The following RCOR1 variants were observed in gnomAD, a reference collection of about 807,000 sequenced individuals.
The protein encoded by RCOR1 is REST corepressor.
A neutral mutation model predicts 64.0 loss-of-function variants in RCOR1; 12 were observed. The ratio of observed to expected loss-of-function variants is 0.19; its 90% confidence interval spans 0.12 to 0.30. The LOEUF (loss-of-function observed/expected upper bound fraction) is 0.30, where lower values mean the gene tolerates loss of function less well. Among genes scored for constraint, RCOR1 ranks in the 10% least tolerant of loss-of-function variants. The pLI, the probability that RCOR1 is intolerant of heterozygous loss-of-function variation, is 1.00. For synonymous variants in RCOR1, 279 were observed against 227.2 expected (o/e 1.23, Z -2.05); for missense variants, 502 against 621.2 (o/e 0.81, Z 2.04).
intron 2 of RCOR1, among the ~76,000 whole-genome samples, chr14:102,598,476 C>T (rs1468821876): frequency 7.8e-6 from 1 of 128,020 alleles, no homozygotes; most frequent in Non-Finnish European, 1.6e-5. Context: ...GAGACGGTGT[C>T]TCGCTCTGTT....
chr14:102,712,877 T>C (rs1027978939), intron 7 of RCOR1, among the ~76,000 whole-genome samples: 4 of 151,800 alleles, frequency 2.6e-5, no homozygotes, highest in Non-Finnish European at 5.9e-5. Context: ...GAGAAAACAC[T>C]TGATTTCATA....
intron 2 of RCOR1, among the ~76,000 whole-genome samples, chr14:102,671,551 A>G (rs1472824294): frequency 6.6e-6 from 1 of 152,074 alleles, no homozygotes; most frequent in African/African-American, 2.4e-5. Context: ...GCTTACCACC[A>G]TATCTGGCTA....
chr14:102,641,067 C>T (rs1364501719), intron 2 of RCOR1, among the ~76,000 whole-genome samples: 1 of 151,856 alleles, frequency 6.6e-6, no homozygotes, highest in African/African-American at 2.4e-5. Context: ...TCCTGGCCAA[C>T]ATGTTGAAAC....
chr14:102,674,300 T>C (rs1241851863), intron 2 of RCOR1, among the ~76,000 whole-genome samples: 2 of 152,206 alleles, frequency 1.3e-5, no homozygotes, highest in Non-Finnish European at 2.9e-5. Context: ...CCTAGATTAA[T>C]GTTTGATTAA....
At chr14:102,605,641 A>G (rs1399631132) in intron 2 of RCOR1, among the ~76,000 whole-genome samples, 1 of 152,234 alleles carries the variant, frequency 6.6e-6, no homozygotes. Context: ...TGGTAATGAC[A>G]ATAACTGTAT....
rs1334439717 is a variant in RCOR1, at chr14:102,698,664, CTCATGA to C, written c.446-2613_446-2608del. Among the ~76,000 whole-genome samples, 4 of 152,278 alleles carry C rather than the reference CTCATGA, an allele frequency of 2.6e-5. No homozygotes were observed. In the East Asian group the frequency reaches 7.7e-4, roughly 29 times the overall value. ...TGTCCTTACATATTCCTGAGTGCAT[CTCATGA>C]CCTGGTTTTTAATCAGCTGGCCTGC... On this transcript the variant is annotated intron_variant, in intron 3 of 11. Transcript: ENST00000262241.
At position 102,600,310 on chromosome 14, in the gene RCOR1, C is replaced by T. The variant is rs1300381321; in HGVS notation, c.361+6985C>T. On this transcript the variant is annotated intron_variant, in intron 2 of 11. Transcript: ENST00000262241. ...CACCGTGGTCTTGATCTCCTGACCT[C>T]GTGATCCGCCCACCTCGGCCTCCCA... Among the ~76,000 whole-genome samples the T allele has an allele frequency of 2.7e-5, 4 of 149,502 alleles. 1 individual carries two copies. Among genetic ancestry groups the T allele is most frequent in the Admixed American group, 2.7e-4 (4 of 14,998 alleles).
intron 8 of RCOR1, among the ~76,000 whole-genome samples, chr14:102,716,496 T>C (rs1056676090): frequency 2.6e-5 from 4 of 151,810 alleles, no homozygotes; most frequent in African/African-American, 9.7e-5. Flanking sequence ...TTTTACCTTT[T>C]ACATTTTGAT....
chr14:102,677,106 C>T lies in RCOR1; in HGVS notation c.362-4789C>T, dbSNP rs1235461917. ...CTCCTCACTTCCCAGTAGGGGCGGC[C>T]GGGCCGAGGAGCCCCTCACCTCCCG... On this transcript the variant is annotated intron_variant, in intron 2 of 11. Transcript: ENST00000262241. 6.2e-3 allele frequency among the ~76,000 whole-genome samples: 760 copies of T among 122,588 alleles called. 11 individuals carry two copies. Among genetic ancestry groups the T allele is most frequent in the African/African-American group, 0.024 (719 of 30,332 alleles). The allele number at this position is 122,588 out of a possible 152,430, so 80.4% of individuals were successfully genotyped here.
At chr14:102,670,755 A>ATATT (rs894045108) in intron 2 of RCOR1, among the ~76,000 whole-genome samples, 2 of 148,750 alleles carry the variant, frequency 1.3e-5, no homozygotes, top group African/African-American at 2.5e-5. Flanking sequence ...ATATATATAT[A>ATATT]TATTTATTTA....
At chr14:102,679,156 T>A (rs1377097583) in intron 2 of RCOR1, among the ~76,000 whole-genome samples, 1 of 152,244 alleles carries the variant, frequency 6.6e-6, no homozygotes, top group Non-Finnish European at 1.5e-5. Context: ...TGGTGGATTG[T>A]GATTTTGGTA....
intron 3 of RCOR1, among the ~76,000 whole-genome samples, chr14:102,685,203 A>G (rs1234198223): frequency 6.6e-6 from 1 of 152,158 alleles, no homozygotes; most frequent in Non-Finnish European, 1.5e-5. Context: ...CAAATAGTAC[A>G]TAATGCATAA....
intron 5 of RCOR1, 142 bp from the exon 6 acceptor site, chr14:102,708,323 A>G (rs1895895332): frequency 1.7e-6 from 1 of 574,854 alleles, no homozygotes; most frequent in Admixed American, 2.5e-5. Flanking sequence ...GATGGTCTCC[A>G]TCTCCTGACC....
At chr14:102,687,774 C>T (rs751118864) in intron 3 of RCOR1, among the ~76,000 whole-genome samples, 3 of 152,170 alleles carry the variant, frequency 2.0e-5, no homozygotes, top group Non-Finnish European at 2.9e-5. Context: ...CATCAAGCAT[C>T]TCCCATGTAC....
At chr14:102,686,250 A>G (rs531898063) in intron 3 of RCOR1, among the ~76,000 whole-genome samples, 16 of 152,172 alleles carry the variant, frequency 1.1e-4, no homozygotes, top group African/African-American at 2.6e-4. Flanking sequence ...CCCTTAATAC[A>G]TTTCTTATTT....
chr14:102,719,146 G>A (rs538628313), intron 8 of RCOR1, among the ~76,000 whole-genome samples: 15 of 152,014 alleles, frequency 9.9e-5, no homozygotes, highest in East Asian at 3.9e-4. Context: ...GCAGTGGTGC[G>A]ATCTCGGCTC....
At position 102,726,794 on chromosome 14, in the gene RCOR1, C is replaced by T. The variant is rs182606768; in HGVS notation, c.*288C>T. Reference sequence around the variant, plus strand: ...TGACTCTGGGAACCGCCTCTCCCGCCGGAGCCCCCGAGCCCCACCAATGGC... The same window carrying T: ...TGACTCTGGGAACCGCCTCTCCCGCTGGAGCCCCCGAGCCCCACCAATGGC... On this transcript the variant is annotated 3_prime_UTR_variant, in exon 12 of 12. Coordinates refer to ENST00000262241, the MANE Select transcript of RCOR1 (RefSeq NM_015156.4). The T allele has an allele frequency of 2.6e-3, 1,069 of 403,540 alleles. 5 individuals carry two copies. Among genetic ancestry groups the T allele is most frequent in the Non-Finnish European group, 4.0e-3 (899 of 227,568 alleles). The allele number at this position is 403,540 out of a possible 1,614,324, so 25.0% of individuals were successfully genotyped here.
At chr14:102,603,779 C>T (rs1232196937) in intron 2 of RCOR1, among the ~76,000 whole-genome samples, 3 of 152,004 alleles carry the variant, frequency 2.0e-5, no homozygotes, top group Admixed American at 2.0e-4. Flanking sequence ...TGCCACCACG[C>T]CTGGCTAATT....
At position 102,656,345 on chromosome 14, in the gene RCOR1, G is replaced by T. The variant is rs1303952955; in HGVS notation, c.362-25550G>T. 3.3e-5 allele frequency among the ~76,000 whole-genome samples: 5 copies of T among 152,062 alleles called. No individual in the cohort carries two copies. In the East Asian group the frequency reaches 9.7e-4, roughly 29 times the overall value. ...GTAGAGGTAGGGTTTCACCATGTAG[G>T]CCAGGCTGGTCTCAAACTCCTGACC... On this transcript the variant is annotated intron_variant, in intron 2 of 11. Transcript: ENST00000262241.
Sources: allele counts gnomAD v4.1 joint callset (sites outside exome capture counted in the v4.1 genomes callset), GRCh38; gene constraint gnomAD v4.1.1; transcripts MANE v1.5; gene names NCBI Gene and HGNC (gene_info 2026-07-23, HGNC 2026-07-21).